KAZN: variants seen among roughly 807,000 people sequenced by gnomAD.
KAZN encodes kazrin.
Under a neutral mutation model 87.4 loss-of-function variants are expected in KAZN, and 40 were observed. The ratio of observed to expected loss-of-function variants is 0.46; its 90% CI spans 0.36 to 0.60. The LOEUF is 0.60. KAZN is among the 20% of genes least tolerant of loss of function. The probability of loss-of-function intolerance (pLI) is 0.00; values close to 1 mark genes in which losing one functional copy is unlikely to be tolerated. For missense variants in KAZN, 898 were observed against 1,073.9 expected, an observed-to-expected ratio of 0.84 and a Z score of 2.29; for synonymous variants, 466 against 458.3, an observed-to-expected ratio of 1.02 and a Z score of -0.22.
intron 2 of KAZN, among the ~76,000 whole-genome samples, chr1:14,211,868 T>C (rs888471083): frequency 2.0e-5 from 3 of 152,142 alleles, no homozygotes; most frequent in Non-Finnish European, 4.4e-5. Flanking sequence ...TGTTTTAAAC[T>C]GAGTGCATTC....
At chr1:14,760,468 G>T (rs940366065) in intron 1 of KAZN, among the ~76,000 whole-genome samples, 24 of 152,186 alleles carry the variant, frequency 1.6e-4, no homozygotes, top group African/African-American at 5.1e-4. Flanking sequence ...CTCGGCACTC[G>T]CTGGCCCAGT....
At chr1:14,985,281 C>T (rs1375763428) in intron 2 of KAZN, among the ~76,000 whole-genome samples, 2 of 145,442 alleles carry the variant, frequency 1.4e-5, no homozygotes, top group East Asian at 4.1e-4. Context: ...AGGTGGGAGG[C>T]CAAGGTGGGA....
chr1:14,035,764 C>A (rs1436035857), intron 1 of KAZN, among the ~76,000 whole-genome samples: 2 of 152,054 alleles, frequency 1.3e-5, no homozygotes, highest in Non-Finnish European at 2.9e-5. Context: ...TGTGAGCCAC[C>A]ATACCTTGCC....
intron 1 of KAZN, among the ~76,000 whole-genome samples, chr1:14,042,608 G>A (rs1641885931): frequency 6.6e-6 from 1 of 152,168 alleles, no homozygotes; most frequent in South Asian, 2.1e-4. Flanking sequence ...ATGGCATCTA[G>A]TTTCACCCAA....
chr1:14,398,930 T>C (rs1663135696), intron 2 of KAZN, among the ~76,000 whole-genome samples: 2 of 152,150 alleles, frequency 1.3e-5, no homozygotes, highest in Non-Finnish European at 2.9e-5. Flanking sequence ...TCTGGAAGTG[T>C]TGGGGCTGCC....
chr1:14,920,092 C>T (rs1658328632), intron 1 of KAZN, among the ~76,000 whole-genome samples: 1 of 151,914 alleles, frequency 6.6e-6, no homozygotes, highest in Non-Finnish European at 1.5e-5. Context: ...TCAGTGGGCT[C>T]AAATATTCAA....
intron 2 of KAZN, among the ~76,000 whole-genome samples, chr1:14,546,755 T>G (rs1378978971): frequency 6.6e-6 from 1 of 152,220 alleles, no homozygotes; most frequent in Non-Finnish European, 1.5e-5. Context: ...GACCCCATAC[T>G]CCTACATGAA....
At chr1:14,917,165 C>T (rs771698524) in intron 1 of KAZN, among the ~76,000 whole-genome samples, 1 of 152,222 alleles carries the variant, frequency 6.6e-6, no homozygotes, top group Non-Finnish European at 1.5e-5. Context: ...CCACAGAAGT[C>T]TCTAGCCTCG....
intron 1 of KAZN, among the ~76,000 whole-genome samples, chr1:14,676,872 G>A (rs1419338825): frequency 6.6e-6 from 1 of 152,132 alleles, no homozygotes; most frequent in Non-Finnish European, 1.5e-5. Context: ...TGGAATTATG[G>A]AGTAGTGATG....
chr1:14,211,961 A>G (rs1646862621), intron 2 of KAZN, among the ~76,000 whole-genome samples: 1 of 151,954 alleles, frequency 6.6e-6, no homozygotes, highest in Non-Finnish European at 1.5e-5. Context: ...TCCCACATGT[A>G]TACAGACAAC....
intron 1 of KAZN, among the ~76,000 whole-genome samples, chr1:14,115,740 G>A (rs1644602636): frequency 6.6e-6 from 1 of 151,506 alleles, no homozygotes; most frequent in Admixed American, 6.6e-5. Context: ...AATTTGGAGG[G>A]CTCAGAAGAA....
At chr1:14,517,002 A>G (rs1671333131) in intron 2 of KAZN, among the ~76,000 whole-genome samples, 1 of 151,976 alleles carries the variant, frequency 6.6e-6, no homozygotes, top group Admixed American at 6.6e-5. Context: ...CATTGCTCTT[A>G]CTTTAGGGAA....
chr1:14,626,451 A>G (rs1679146860), intron 1 of KAZN, among the ~76,000 whole-genome samples: 2 of 152,134 alleles, frequency 1.3e-5, no homozygotes, highest in South Asian at 2.1e-4. Context: ...TGGTGTACCT[A>G]TTTCGCAGAT....
intron 1 of KAZN, among the ~76,000 whole-genome samples, chr1:14,936,384 G>GTACC (rs1332550711): frequency 2.0e-5 from 3 of 152,176 alleles, no homozygotes; most frequent in African/African-American, 7.2e-5. Flanking sequence ...AGACAGACCT[G>GTACC]TACCTGGGGC....
intron 2 of KAZN, among the ~76,000 whole-genome samples, chr1:14,332,132 C>T (rs1656901583): frequency 6.6e-6 from 1 of 152,020 alleles, no homozygotes; most frequent in South Asian, 2.1e-4. Context: ...GCCTGCAGAC[C>T]CCACAGAAAT....
At chr1:14,627,776 T>C (rs956878831) in intron 1 of KAZN, among the ~76,000 whole-genome samples, 3 of 152,108 alleles carry the variant, frequency 2.0e-5, no homozygotes, top group African/African-American at 7.2e-5. Flanking sequence ...AACAACCAGC[T>C]AAGTTTAGAG....
intron 2 of KAZN, among the ~76,000 whole-genome samples, chr1:14,521,216 G>T (rs192165141): frequency 2.6e-5 from 4 of 152,110 alleles, no homozygotes; most frequent in Admixed American, 1.3e-4. Context: ...CCCCCAAAAC[G>T]CCAGTCAGCA....
At chr1:14,628,306 C>T (rs1344152588) in intron 1 of KAZN, among the ~76,000 whole-genome samples, 1 of 152,132 alleles carries the variant, frequency 6.6e-6, no homozygotes, top group Non-Finnish European at 1.5e-5. Flanking sequence ...TCAACACACC[C>T]GCAGCATATA....
Position 14,769,955 on chromosome 1 carries a change from G to A in KAZN, c.226+170732G>A, listed in dbSNP as rs111972395. Among the ~76,000 whole-genome samples the A allele has an allele frequency of 3.9e-5, 6 of 152,322 alleles. 2 individuals carry two copies. Among genetic ancestry groups the A allele is most frequent in the African/African-American group, 1.4e-4 (6 of 41,572 alleles). On this transcript the variant is annotated intron_variant, in intron 1 of 14. Transcript: ENST00000376030. The surrounding 1 kb of genome is among the most constrained non-coding windows in gnomAD (Gnocchi z 4.1). The stretch of plus-strand genomic sequence containing the variant: ...GATGGCCCCTCTGAGCAGGTGATGG[G>A]TAAACTGAACCCTGGAGGTTGAGCA...
Sources: gnomAD v4.1 joint callset for allele counts (sites outside exome capture counted in the v4.1 genomes callset) on GRCh38, gnomAD v4.1.1 for gene constraint, Gnocchi (gnomAD v3.1) non-coding constraint, MANE v1.5 for transcripts, NCBI Gene and HGNC (gene_info 2026-07-23, HGNC 2026-07-21) for gene names.